Variants in ENDOV observed in about 807,000 individuals in gnomAD.
The protein encoded by ENDOV is hEndoV.
Under a neutral mutation model 39.4 loss-of-function variants are expected in ENDOV, and 37 were observed. The observed-to-expected ratio is 0.94, with a 90% CI of 0.72 to 1.23. The LOEUF (loss-of-function observed/expected upper bound fraction) is 1.23. ENDOV is among the 50% of genes most tolerant of loss of function. ENDOV has a pLI of 0.00. For missense variants in ENDOV, 441 were observed against 375.7 expected (o/e 1.17, Z -1.44); for synonymous variants, 186 against 163.4 (o/e 1.14, Z -1.05).
At chr17:80,419,251 A>G (rs1457586499) in intron 2 of ENDOV, among the ~76,000 whole-genome samples, 3 of 151,954 alleles carry the variant, frequency 2.0e-5, no homozygotes, top group Non-Finnish European at 4.4e-5. Context: ...TAGCATAAGA[A>G]TCTGCTTTTT....
intron 1 of ENDOV, 173 bp downstream of exon 1, chr17:80,415,423 G>C (rs1216287555): frequency 2.0e-5 from 20 of 1,004,394 alleles, no homozygotes; most frequent in Non-Finnish European, 2.7e-5. Context: ...ATTGTAGTCC[G>C]CGGGGTGGGC....
At chr17:80,417,399 T>A (rs182958616) in intron 2 of ENDOV, 2 of 152,398 alleles carry the variant, frequency 1.3e-5, no homozygotes, top group African/African-American at 4.8e-5. Context: ...CGAGGACTTG[T>A]CCCTCAGCAC....
chr17:80,425,641 G>T (rs775732244), intron 7 of ENDOV, 21 bp downstream of exon 7: 2 of 1,562,300 alleles, frequency 1.3e-6, no homozygotes. Flanking sequence ...TGGGGATGCG[G>T]GGAGGCAGCA....
chr17:80,431,493 C>T (rs2083324847), intron 9 of ENDOV, among the ~76,000 whole-genome samples: 1 of 152,184 alleles, frequency 6.6e-6, no homozygotes, highest in South Asian at 2.1e-4. Flanking sequence ...CACCTTGTGC[C>T]TAAAGTCACG....
intron 5 of ENDOV, among the ~76,000 whole-genome samples, chr17:80,424,584 G>A (rs1179310236): frequency 6.6e-6 from 1 of 152,030 alleles, no homozygotes; most frequent in Non-Finnish European, 1.5e-5. Context: ...CTCAGGTGGT[G>A]TGGCTTTGCC....
Position 80,425,640 on chromosome 17 carries a change from G to A in ENDOV, c.714+20G>A, listed in dbSNP as rs767855952. The A allele has an allele frequency of 1.2e-5, 19 of 1,562,990 alleles. No homozygotes were observed. Among genetic ancestry groups the A allele is most frequent in the African/African-American group, 8.1e-5 (6 of 73,932 alleles). ...CGCCAGGTGGGTGTGCTGGGGATGC[G>A]GGGAGGCAGCACAGGCTCCTCTGCT... On this transcript the variant is annotated intron_variant, in intron 7 of 9. Transcript: ENST00000518137.
At chr17:80,435,572 A>G (rs761708496) in intron 9 of ENDOV, among the ~76,000 whole-genome samples, 2 of 151,948 alleles carry the variant, frequency 1.3e-5, no homozygotes, top group Non-Finnish European at 2.9e-5. Context: ...CTCCTGGCTC[A>G]GCCTCCAGAG....
intron 9 of ENDOV, among the ~76,000 whole-genome samples, chr17:80,432,534 A>G (rs1006659550): frequency 3.3e-5 from 5 of 152,194 alleles, no homozygotes. Context: ...GTCCTGGGGC[A>G]TGCCGTCCAG....
intron 1 of ENDOV, 146 bp from the exon 2 acceptor site, chr17:80,415,504 A>C (rs1201380341): frequency 1.1e-5 from 13 of 1,149,982 alleles, no homozygotes; most frequent in Non-Finnish European, 1.5e-5. Context: ...GCTCCTAGGG[A>C]CTGTGGCCTC....
intron 5 of ENDOV, among the ~76,000 whole-genome samples, chr17:80,424,724 A>G (rs2082472414): frequency 6.6e-6 from 1 of 152,138 alleles, no homozygotes; most frequent in Non-Finnish European, 1.5e-5. Flanking sequence ...GGGAGGCCGA[A>G]GTGGGTGGAT....
chr17:80,430,524 G>A, intron 9 of ENDOV: 1 of 503,824 alleles, frequency 2.0e-6, no homozygotes, highest in Non-Finnish European at 3.2e-6. Flanking sequence ...TGGGGTAGCT[G>A]GGCTTTAGCA....
At position 80,415,188 on chromosome 17, in the gene ENDOV, C is replaced by G. The variant is rs754857108; in HGVS notation, c.-7C>G. 1.2e-6 allele frequency: 2 copies of G among 1,612,930 alleles called. No homozygotes were observed. Among genetic ancestry groups the G allele is most frequent in the Non-Finnish European group, 1.7e-6 (2 of 1,179,606 alleles). On this transcript the variant is annotated 5_prime_UTR_variant, in exon 1 of 10. Coordinates refer to ENST00000518137, the MANE Select transcript of ENDOV (RefSeq NM_173627.5). ...TGACGTGCGGAAGGGGTGCCCGGGA[C>G]GAAGCCATGGCCCTGGAGGCGGCGG...
At position 80,429,832 on chromosome 17, in the gene ENDOV, G is replaced by A. The variant is rs2083184877; in HGVS notation, c.838+1G>A. ...AAAGGAGACTCCGGAGAGTCCTCAG[G>A]TGAGGGCCAGCCCCCACAGGACCAC... On this transcript the variant is annotated splice_donor_variant, in intron 9 of 9. Coordinates refer to ENST00000518137, the MANE Select transcript of ENDOV (RefSeq NM_173627.5). LOFTEE classifies it high-confidence loss of function. 1 of 1,612,644 alleles carries A rather than the reference G, an allele frequency of 6.2e-7. No homozygotes were observed. The highest frequency in any genetic ancestry group is 8.5e-7 in the Non-Finnish European group (1 of 1,179,838).
intron 7 of ENDOV, among the ~76,000 whole-genome samples, chr17:80,426,876 C>T (rs2082749945): frequency 6.6e-6 from 1 of 152,232 alleles, no homozygotes; most frequent in Admixed American, 6.5e-5. Context: ...CAGGTCTGCA[C>T]AAGCCATGCT....
In ENDOV at chr17:80,436,318, G is replaced by C; in HGVS notation, c.*175G>C. 1 of 1,574,810 alleles carries C rather than the reference G, an allele frequency of 6.3e-7. No individual in the cohort carries two copies. The highest frequency in any genetic ancestry group is 1.1e-5 in the South Asian group (1 of 88,350). ...GTCCTCGTCTCGTTCCTGATCGAAC[G>C]TGGTGGTGAGAGCACACGTCCTTGT... On this transcript the variant is annotated 3_prime_UTR_variant, in exon 10 of 10. Coordinates refer to ENST00000518137, the MANE Select transcript of ENDOV (RefSeq NM_173627.5).
chr17:80,419,815 A>C lies in ENDOV; in HGVS notation c.229-2013A>C. On this transcript the variant is annotated intron_variant, in intron 2 of 9. Transcript: ENST00000518137. ...CAGGAACTTGGATGTGGTCTACCCA[A>C]GTCCCTAGACCTAACTGTCACCCAC... 4 of 640,924 alleles carry C rather than the reference A, an allele frequency of 6.2e-6. No homozygotes were observed. In the East Asian group the frequency reaches 1.1e-4, roughly 18 times the overall value. The allele number at this position is 640,924 out of a possible 1,614,324, so 39.7% of individuals were successfully genotyped here.
intron 4 of ENDOV, among the ~76,000 whole-genome samples, chr17:80,422,768 C>T (rs2082215706): frequency 2.0e-5 from 3 of 151,928 alleles, no homozygotes; most frequent in Admixed American, 1.3e-4. Flanking sequence ...GGCGCGATCT[C>T]GGCTCACTGC....
At chr17:80,427,442 A>T in intron 7 of ENDOV, 1 of 985,426 alleles carries the variant, frequency 1.0e-6, no homozygotes, top group South Asian at 4.7e-5. Context: ...TACCTTAAGC[A>T]TCTAGAAATA....
intron 2 of ENDOV, among the ~76,000 whole-genome samples, chr17:80,421,464 T>TG (rs947455367): frequency 9.7e-6 from 1 of 103,330 alleles, no homozygotes; most frequent in African/African-American, 3.9e-5. Context: ...GGGTCCGGGG[T>TG]GGGGGTTCTC....
Sources: gnomAD v4.1 joint callset for allele counts (sites outside exome capture counted in the v4.1 genomes callset) on GRCh38, gnomAD v4.1.1 for gene constraint, MANE v1.5 for transcripts, NCBI Gene and HGNC (gene_info 2026-07-23, HGNC 2026-07-21) for gene names.